RAB27B: variants seen among roughly 807,000 people sequenced by gnomAD.
The protein encoded by RAB27B is ras-related protein Rab-27B.
Under a neutral mutation model 24.6 loss-of-function variants are expected in RAB27B, and 15 were observed. The ratio of observed to expected loss-of-function variants is 0.61; its 90% CI spans 0.41 to 0.94. The LOEUF (loss-of-function observed/expected upper bound fraction) is 0.94. Among genes scored for constraint, RAB27B ranks in the 40% least tolerant of loss-of-function variants. RAB27B has a pLI of 0.00. For synonymous variants in RAB27B, 105 were observed against 92.5 expected (o/e 1.14, Z -0.78); for missense variants, 261 against 266.8 (o/e 0.98, Z 0.15).
chr18:54,786,751 T>G (rs899832684), intron 2 of RAB27B, among the ~76,000 whole-genome samples: 7 of 152,214 alleles, frequency 4.6e-5, no homozygotes, highest in African/African-American at 1.4e-4. Context: ...TTGAAAAATC[T>G]CAGAAACATA....
chr18:54,730,381 A>C, intron 2 of RAB27B, among the ~76,000 whole-genome samples: 1 of 152,278 alleles, frequency 6.6e-6, no homozygotes, highest in Admixed American at 6.5e-5. Context: ...TTCTCCGCCA[A>C]TGCCCTCCCG....
chr18:54,883,638 T>C (rs770203112), intron 3 of RAB27B, among the ~76,000 whole-genome samples: 21 of 152,060 alleles, frequency 1.4e-4, no homozygotes, highest in Admixed American at 2.0e-4. Context: ...AAACTTTGCA[T>C]TGCACACGAA....
At chr18:54,738,909 A>G (rs1225694535) in intron 2 of RAB27B, among the ~76,000 whole-genome samples, 1 of 152,144 alleles carries the variant, frequency 6.6e-6, no homozygotes, top group Non-Finnish European at 1.5e-5. Context: ...GGGTGTCTTC[A>G]AGATAGAGAA....
At chr18:54,741,428 A>G (rs771578572) in intron 2 of RAB27B, among the ~76,000 whole-genome samples, 3 of 152,220 alleles carry the variant, frequency 2.0e-5, no homozygotes, top group Non-Finnish European at 4.4e-5. Flanking sequence ...TATAGTGGCC[A>G]TGAGAAGCTA....
At chr18:54,757,066 G>A (rs118141191) in intron 2 of RAB27B, among the ~76,000 whole-genome samples, 2 of 152,306 alleles carry the variant, frequency 1.3e-5, no homozygotes, top group East Asian at 3.9e-4. Context: ...TAGGCTCAAG[G>A]TTGCTGGTCA....
intron 2 of RAB27B, 82 bp downstream of exon 2, chr18:54,877,820 G>A: frequency 1.4e-6 from 2 of 1,383,924 alleles, no homozygotes. Flanking sequence ...TTATTGCATT[G>A]GAGTCTGTCT....
intron 2 of RAB27B, among the ~76,000 whole-genome samples, chr18:54,791,199 AAAAAAAG>A (rs1909235313): frequency 6.6e-6 from 1 of 152,190 alleles, no homozygotes; most frequent in South Asian, 2.1e-4. Context: ...CTAGAGCATT[AAAAAAAG>A]AAAAAAGAAA....
In RAB27B at chr18:54,879,369, G is replaced by T. The variant is rs757557745; in HGVS notation, c.154G>T (p.Val52Phe). 6.8e-6 allele frequency: 11 copies of T among 1,609,744 alleles called. No homozygotes were observed. The highest frequency in any genetic ancestry group is 1.7e-5 in the Admixed American group (1 of 59,984). ...AACTAATGAACGTTGTATCTTTCAGGTTTATAATGCACAAGGACCGAATGG... is the reference window on the plus strand; with the variant it reads ...AACTAATGAACGTTGTATCTTTCAGTTTTATAATGCACAAGGACCGAATGG... ...VGIDFREKRV[V>F]YNAQGPNGSS... is the part of the protein sequence containing the mutation. The change falls in exon 3 of 6, where the codon GTT (valine) becomes TTT (phenylalanine). Residue 52 changes from valine to phenylalanine, a missense_variant and splice_region_variant. Transcript: ENST00000262094.
intron 2 of RAB27B, among the ~76,000 whole-genome samples, chr18:54,746,718 A>G (rs919074472): frequency 3.3e-5 from 5 of 152,168 alleles, no homozygotes; most frequent in Non-Finnish European, 7.3e-5. Flanking sequence ...AAATTGAGAG[A>G]ATAATAGTGC....
At chr18:54,737,706 G>A (rs1410325029) in intron 2 of RAB27B, among the ~76,000 whole-genome samples, 1 of 152,098 alleles carries the variant, frequency 6.6e-6, no homozygotes, top group Non-Finnish European at 1.5e-5. Flanking sequence ...TGTGAACATA[G>A]GAGAAAGGAG....
intron 2 of RAB27B, among the ~76,000 whole-genome samples, chr18:54,731,644 C>T (rs9946571): frequency 0.011 from 1,657 of 152,144 alleles, 38 homozygotes; most frequent in African/African-American, 0.038. Flanking sequence ...TGCTTGAACC[C>T]GAGAGGCAAC....
intron 1 of RAB27B, among the ~76,000 whole-genome samples, chr18:54,868,947 G>A (rs752761876): frequency 2.6e-5 from 4 of 152,118 alleles, no homozygotes; most frequent in Non-Finnish European, 4.4e-5. Context: ...CCTTACAAAG[G>A]CTTATCTGAA....
intron 2 of RAB27B, among the ~76,000 whole-genome samples, chr18:54,823,007 G>A (rs1910359857): frequency 1.3e-5 from 2 of 152,220 alleles, no homozygotes; most frequent in Admixed American, 1.3e-4. Flanking sequence ...GGCAACATGA[G>A]GTTGGAACTG....
chr18:54,760,855 A>G (rs953181036), intron 2 of RAB27B, among the ~76,000 whole-genome samples: 1 of 152,188 alleles, frequency 6.6e-6, no homozygotes, highest in Non-Finnish European at 1.5e-5. Flanking sequence ...AGGGAGATAA[A>G]GCATTACAGC....
intron 1 of RAB27B, among the ~76,000 whole-genome samples, chr18:54,873,326 A>G (rs1430043934): frequency 2.0e-5 from 3 of 152,156 alleles, no homozygotes; most frequent in Non-Finnish European, 4.4e-5. Flanking sequence ...GCTTGTCTGT[A>G]TCTAAAAGTC....
intron 2 of RAB27B, among the ~76,000 whole-genome samples, chr18:54,805,306 G>T (rs995993183): frequency 6.6e-6 from 1 of 152,118 alleles, no homozygotes; most frequent in African/African-American, 2.4e-5. Context: ...CGTGGGAAAG[G>T]CTATGCTAGA....
intron 2 of RAB27B, among the ~76,000 whole-genome samples, chr18:54,720,758 C>T (rs1332988214): frequency 1.3e-5 from 2 of 152,132 alleles, no homozygotes; most frequent in East Asian, 3.9e-4. Flanking sequence ...ACAGTGTTTA[C>T]TGAATGGATG....
intron 1 of RAB27B, among the ~76,000 whole-genome samples, chr18:54,841,028 C>A (rs1911087387): frequency 6.6e-6 from 1 of 151,970 alleles, no homozygotes; most frequent in Admixed American, 6.6e-5. Flanking sequence ...ACGCTGTAAT[C>A]CCAGCTATTC....
At chr18:54,840,923 C>T (rs535812490) in intron 1 of RAB27B, among the ~76,000 whole-genome samples, 28 of 151,972 alleles carry the variant, frequency 1.8e-4, no homozygotes, top group African/African-American at 5.8e-4. Flanking sequence ...CTGAGGCAGG[C>T]GGATCATGAG....
Sources: gnomAD v4.1 joint callset for allele counts (sites outside exome capture counted in the v4.1 genomes callset) on GRCh38, gnomAD v4.1.1 for gene constraint, MANE v1.5 for transcripts, NCBI Gene and HGNC (gene_info 2026-07-23, HGNC 2026-07-21) for gene names.